TCF7L1: variants seen among roughly 807,000 people sequenced by gnomAD.
TCF7L1 encodes the protein transcription factor 7-like 1.
Under a neutral mutation model 63.7 loss-of-function variants are expected in TCF7L1, and 18 were observed. That is an observed-to-expected ratio of 0.28 (90% confidence interval 0.20 to 0.42). TCF7L1 has a LOEUF of 0.42. Among genes scored for constraint, TCF7L1 ranks in the 10% least tolerant of loss-of-function variants. The pLI, the probability that TCF7L1 is intolerant of heterozygous loss-of-function variation, is 1.00. For missense variants in TCF7L1, 654 were observed against 779.3 expected, an observed-to-expected ratio of 0.84 and a Z score of 1.91; for synonymous variants, 355 against 340.9, an observed-to-expected ratio of 1.04 and a Z score of -0.46.
chr2:85,246,517 G>T (rs933079177), intron 3 of TCF7L1, among the ~76,000 whole-genome samples: 1 of 152,152 alleles, frequency 6.6e-6, no homozygotes, highest in Non-Finnish European at 1.5e-5. Flanking sequence ...AGTGCAGCTG[G>T]TATAATCACT....
At chr2:85,294,730 C>T (rs757275780) in intron 4 of TCF7L1, among the ~76,000 whole-genome samples, 5 of 152,122 alleles carry the variant, frequency 3.3e-5, no homozygotes, top group Non-Finnish European at 4.4e-5. Flanking sequence ...ATTGGAATTT[C>T]CCTTTTACAA....
chr2:85,274,823 T>C (rs1573020631), intron 3 of TCF7L1, among the ~76,000 whole-genome samples: 1 of 152,184 alleles, frequency 6.6e-6, no homozygotes, highest in Admixed American at 6.5e-5. Flanking sequence ...GCTCCTAGAA[T>C]ACCAATAACT....
intron 4 of TCF7L1, among the ~76,000 whole-genome samples, chr2:85,295,490 C>T (rs1205487628): frequency 2.0e-5 from 3 of 152,126 alleles, no homozygotes; most frequent in African/African-American, 7.2e-5. Flanking sequence ...CATGAGCCAC[C>T]GTGCCTGGCC....
At chr2:85,228,910 A>G (rs1220163928) in intron 3 of TCF7L1, among the ~76,000 whole-genome samples, 2 of 150,622 alleles carry the variant, frequency 1.3e-5, no homozygotes, top group African/African-American at 4.9e-5. Flanking sequence ...AGTCCCAGCT[A>G]CTCGGGAGGC....
chr2:85,218,638 A>ATG (rs1429324800), intron 3 of TCF7L1, among the ~76,000 whole-genome samples: 3 of 135,654 alleles, frequency 2.2e-5, no homozygotes, highest in Non-Finnish European at 4.9e-5. Flanking sequence ...TTTTATTCCA[A>ATG]TGGGGGGGGG....
At chr2:85,186,071 G>A (rs973377262) in intron 3 of TCF7L1, among the ~76,000 whole-genome samples, 2 of 146,562 alleles carry the variant, frequency 1.4e-5, no homozygotes, top group African/African-American at 5.1e-5. Flanking sequence ...GGTTCACTCC[G>A]TTCTCCTGCC....
Position 85,231,498 on chromosome 2 carries a change from C to T in TCF7L1, c.442-51997C>T, listed in dbSNP as rs189968422. ...TGACAGCCTTTCACTTTTCAGATCACCTTCCTCACACTGATGGTCTCATAC... is the reference window on the plus strand; with the variant it reads ...TGACAGCCTTTCACTTTTCAGATCATCTTCCTCACACTGATGGTCTCATAC... On this transcript the variant is annotated intron_variant, in intron 3 of 11. Coordinates refer to ENST00000282111, the MANE Select transcript of TCF7L1 (RefSeq NM_031283.3). Among the ~76,000 whole-genome samples the T allele has an allele frequency of 4.6e-5, 7 of 152,300 alleles. No individual in the cohort carries two copies. The East Asian group carries it at 7.7e-4, about 17-fold the overall frequency.
intron 3 of TCF7L1, among the ~76,000 whole-genome samples, chr2:85,198,990 T>C (rs1201833757): frequency 6.6e-6 from 1 of 152,106 alleles, no homozygotes; most frequent in African/African-American, 2.4e-5. Context: ...AAAAGGTTTT[T>C]TGTGGGGGTA....
intron 3 of TCF7L1, among the ~76,000 whole-genome samples, chr2:85,261,126 GTGTGTGTGTGTGTGTGTGTGT>G (rs1680849101): frequency 8.4e-5 from 9 of 106,828 alleles, no homozygotes; most frequent in Admixed American, 5.7e-4. Context: ...TATTGCTGGT[GTGTGTGTGTGTGTGTGTGTGT>G]GTGTGTGTGT....
At chr2:85,213,961 G>A (rs749649375) in intron 3 of TCF7L1, among the ~76,000 whole-genome samples, 3 of 152,214 alleles carry the variant, frequency 2.0e-5, no homozygotes, top group Non-Finnish European at 4.4e-5. Flanking sequence ...TGGATGGGGG[G>A]CTTCCTCCCA....
At chr2:85,292,821 G>A (rs1468064734) in intron 4 of TCF7L1, among the ~76,000 whole-genome samples, 3 of 152,188 alleles carry the variant, frequency 2.0e-5, no homozygotes, top group African/African-American at 7.2e-5. Flanking sequence ...CACCCAATCT[G>A]GCTGCCTTAG....
At chr2:85,271,456 A>G (rs374434162) in intron 3 of TCF7L1, among the ~76,000 whole-genome samples, 1 of 152,162 alleles carries the variant, frequency 6.6e-6, no homozygotes, top group Non-Finnish European at 1.5e-5. Flanking sequence ...TGCTTTACCT[A>G]TATCCAGGAG....
At chr2:85,291,169 G>A (rs1681707013) in intron 4 of TCF7L1, among the ~76,000 whole-genome samples, 1 of 152,188 alleles carries the variant, frequency 6.6e-6, no homozygotes. Context: ...CACACCATTG[G>A]TGTTCTCTTA....
intron 3 of TCF7L1, among the ~76,000 whole-genome samples, chr2:85,225,123 T>G (rs1679928718): frequency 6.6e-6 from 1 of 152,248 alleles, no homozygotes; most frequent in South Asian, 2.1e-4. Context: ...GCCTCTATTC[T>G]GTTCCATTGG....
chr2:85,275,855 G>A (rs1350789224), intron 3 of TCF7L1, among the ~76,000 whole-genome samples: 2 of 147,166 alleles, frequency 1.4e-5, no homozygotes, highest in Non-Finnish European at 1.5e-5. Flanking sequence ...AGGAGGTGGA[G>A]GTTGCAGTGA....
chr2:85,309,009 T>C lies in TCF7L1; in HGVS notation c.1334-20T>C. On this transcript the variant is annotated intron_variant, in intron 11 of 11. Transcript: ENST00000282111. ...TCACAGAGCTATAGCTGCTCACTCT[T>C]TCTTGTATTTTCCCCCTAGGTGCCC... The C allele has an allele frequency of 1.3e-6, 2 of 1,536,182 alleles. No homozygotes were observed. The highest frequency in any genetic ancestry group is 1.8e-6 in the Non-Finnish European group (2 of 1,131,122).
At chr2:85,190,123 C>T (rs1417773706) in intron 3 of TCF7L1, among the ~76,000 whole-genome samples, 1 of 152,184 alleles carries the variant, frequency 6.6e-6, no homozygotes. Context: ...GTCCCACATA[C>T]CTGAGGCACT....
chr2:85,306,928 C>T lies in TCF7L1; in HGVS notation c.1257+369C>T, dbSNP rs1220798631. On this transcript the variant is annotated intron_variant, in intron 10 of 11. Coordinates refer to ENST00000282111, the MANE Select transcript of TCF7L1 (RefSeq NM_031283.3). This position sits in a 1 kb window ranked among gnomAD's most constrained non-coding sequence, Gnocchi z 4.3. ...ATCCGCCCACCTCGGCCTCCCAAAG[C>T]GCTGGGATTACAGGCGTGAGCCACC... Among the ~76,000 whole-genome samples the T allele has an allele frequency of 2.0e-5, 3 of 152,232 alleles. No individual in the cohort carries two copies. The highest frequency in any genetic ancestry group is 3.9e-4 in the East Asian group (2 of 5,152).
chr2:85,166,400 A>G (rs1348742779), intron 3 of TCF7L1, among the ~76,000 whole-genome samples: 1 of 152,198 alleles, frequency 6.6e-6, no homozygotes, highest in Non-Finnish European at 1.5e-5. Flanking sequence ...GCAGGGCACA[A>G]GGGCACCAGC....
Sources: gnomAD v4.1 joint callset for allele counts (sites outside exome capture counted in the v4.1 genomes callset) on GRCh38, gnomAD v4.1.1 for gene constraint, Gnocchi (gnomAD v3.1) non-coding constraint, MANE v1.5 for transcripts, NCBI Gene and HGNC (gene_info 2026-07-23, HGNC 2026-07-21) for gene names.